MPP2: variants seen among roughly 807,000 people sequenced by gnomAD.
MPP2 encodes MAGUK p55 subfamily member 2.
Under a neutral mutation model 58.5 loss-of-function variants are expected in MPP2, and 42 were observed. The ratio of observed to expected loss-of-function variants is 0.72; its 90% confidence interval spans 0.56 to 0.93. The LOEUF is 0.93. Ranked by LOEUF, MPP2 falls within the 40% of genes least tolerant of loss-of-function variation. The pLI is 0.00. For synonymous variants in MPP2, 300 were observed against 307.8 expected, an observed-to-expected ratio of 0.97 and a Z score of 0.26; for missense variants, 632 against 760.4, an observed-to-expected ratio of 0.83 and a Z score of 1.99.
chr17:43,900,304 G>C (rs2048033343), intron 2 of MPP2, among the ~76,000 whole-genome samples: 1 of 152,152 alleles, frequency 6.6e-6, no homozygotes, highest in Admixed American at 6.5e-5. Context: ...GTTATCTAGG[G>C]GAGGACTGAG....
intron 1 of MPP2, chr17:43,906,259 G>C (rs231478): frequency 0.31 from 141,879 of 457,490 alleles, 23,629 homozygotes; most frequent in East Asian, 0.65. Context: ...TCGGTTCCCA[G>C]AGCATCGGCT....
chr17:43,902,806 T>C (rs888231658), intron 2 of MPP2, among the ~76,000 whole-genome samples: 1 of 152,110 alleles, frequency 6.6e-6, no homozygotes, highest in Non-Finnish European at 1.5e-5. Flanking sequence ...AGCAGAACCA[T>C]AGCAGTTCCC....
chr17:43,899,241 C>A (rs1265575857), intron 2 of MPP2, among the ~76,000 whole-genome samples: 1 of 113,264 alleles, frequency 8.8e-6, no homozygotes, highest in Non-Finnish European at 1.9e-5. Flanking sequence ...AGCAAGACTC[C>A]GTCTCAAAAA....
At chr17:43,907,898 GC>G (rs2048355849), upstream of MPP2, 1 of 985,304 alleles carries the variant, frequency 1.0e-6, no homozygotes, top group Non-Finnish European at 1.2e-6. Context: ...TTCCAGGCGT[GC>G]CTCACTTTTC....
intron 3 of MPP2, among the ~76,000 whole-genome samples, chr17:43,886,231 A>G (rs113403115): frequency 0.042 from 6,380 of 152,246 alleles, 176 homozygotes; most frequent in Non-Finnish European, 0.063. Flanking sequence ...TTATTTAAAA[A>G]TATGTCATAG....
chr17:43,900,533 C>T, intron 2 of MPP2: 6 of 1,547,230 alleles, frequency 3.9e-6, no homozygotes, highest in Non-Finnish European at 5.2e-6. Flanking sequence ...GGAGACCCCG[C>T]TGCCTGGGCT....
Position 43,881,124 on chromosome 17 carries a change from C to T in MPP2, c.954G>A (p.Lys318=). 1 of 1,613,998 alleles carries T rather than the reference C, an allele frequency of 6.2e-7. No homozygotes were observed. The highest frequency in any genetic ancestry group is 8.5e-7 in the Non-Finnish European group (1 of 1,179,974). The change falls in exon 9 of 13, where the codon AAG becomes AAA. Residue 318 remains lysine (K), a synonymous_variant. Coordinates refer to ENST00000269095, the MANE Select transcript of MPP2 (RefSeq NM_005374.5). ...TLCGSLSGKK[K]KRMMYLTTKN... ...TGGTGGTCAAATACATCATTCGCTT[C>T]TTTTTCTTTCCTGAAAGGCTGCCGC... is the stretch of plus-strand genomic sequence containing the variant.
At chr17:43,908,859 G>A (rs2048374849), upstream of MPP2, among the ~76,000 whole-genome samples, 2 of 152,198 alleles carry the variant, frequency 1.3e-5, no homozygotes, top group East Asian at 3.8e-4. Flanking sequence ...TTTGGATATA[G>A]GAAAAAGCCA....
chr17:43,887,905 G>C (rs1389564688), intron 3 of MPP2, among the ~76,000 whole-genome samples: 2 of 152,072 alleles, frequency 1.3e-5, no homozygotes, highest in African/African-American at 4.8e-5. Flanking sequence ...AACACTTGCA[G>C]ATACAATCTA....
chr17:43,891,387 G>A (rs1279852530), intron 3 of MPP2, among the ~76,000 whole-genome samples: 4 of 151,450 alleles, frequency 2.6e-5, no homozygotes, highest in African/African-American at 7.3e-5. Flanking sequence ...GGGGATGGTG[G>A]GCCTGTAATC....
rs770256368 is a variant in MPP2 at position 43,879,924 on chromosome 17, C to T, written c.1211G>A (p.Arg404His). The change falls in exon 11 of 13, where the codon CGT becomes CAT. Residue 404 changes from arginine (R) to histidine (H), a missense_variant. By Grantham distance (29) the Arg-to-His change is conservative (BLOSUM62 0). Coordinates refer to ENST00000269095, the MANE Select transcript of MPP2 (RefSeq NM_005374.5). This position sits in a 1 kb window ranked among gnomAD's most constrained non-coding sequence, Gnocchi z 4.1. ...ACGGACGTCAGCCTCCATCTCCCCA[C>T]GGGACACAAAGCTGTAACCCTGACC... The part of the protein sequence containing the change: ...REGQGYSFVS[R>H]GEMEADVRAG... The T allele has an allele frequency of 8.1e-6, 13 of 1,613,986 alleles. No homozygotes were observed. Among genetic ancestry groups the T allele is most frequent in the South Asian group, 3.3e-5 (3 of 91,078 alleles).
chr17:43,879,673 A>T lies in MPP2; in HGVS notation c.1353+109T>A. 7.7e-7 allele frequency: 1 copy of T among 1,294,328 alleles called. No homozygotes were observed. The allele number at this position is 1,294,328 out of a possible 1,614,324, so 80.2% of individuals were successfully genotyped here. On this transcript the variant is annotated intron_variant, in intron 11 of 12. Coordinates refer to ENST00000269095, the MANE Select transcript of MPP2 (RefSeq NM_005374.5). The surrounding 1 kb of genome is among the most constrained non-coding windows in gnomAD (Gnocchi z 4.1). ...GGTTTCTAGCAGTAGTTGAGGGCAA[A>T]GGGGGTACATGGGCGTGTTCAGGTG...
rs2047040078 is a variant in MPP2, at chr17:43,880,061, C to T, written c.1151-77G>A. ...CCTCAGACACATATATGCACCCCTA[C>T]CCAGGCCCCCGTTTCCCAGCCTTGG... On this transcript the variant is annotated intron_variant, in intron 10 of 12. Coordinates refer to ENST00000269095, the MANE Select transcript of MPP2 (RefSeq NM_005374.5). The surrounding 1 kb of genome is among the most constrained non-coding windows in gnomAD (Gnocchi z 5.2). The T allele has an allele frequency of 7.1e-7, 1 of 1,406,494 alleles. No homozygotes were observed. The highest frequency in any genetic ancestry group is 9.9e-7 in the Non-Finnish European group (1 of 1,010,238). 87.1% of individuals were successfully genotyped at this position (1,406,494 alleles called of 1,614,324 possible).
At chr17:43,881,619 G>T in intron 6 of MPP2, 30 bp from the exon 7 acceptor site, 1 of 1,608,084 alleles carries the variant, frequency 6.2e-7, no homozygotes. Context: ...AAGGGTCGGG[G>T]GAAGGGTCAG....
intron 3 of MPP2, among the ~76,000 whole-genome samples, chr17:43,893,833 G>A (rs1424069237): frequency 1.3e-5 from 2 of 152,174 alleles, no homozygotes; most frequent in African/African-American, 4.8e-5. Context: ...GGGGACTGCT[G>A]TATCAGAACA....
chr17:43,879,716 T>C lies in MPP2; in HGVS notation c.1353+66A>G, dbSNP rs1357789050. 3.8e-6 allele frequency: 6 copies of C among 1,562,108 alleles called. No individual in the cohort carries two copies. Among genetic ancestry groups the C allele is most frequent in the Non-Finnish European group, 5.2e-6 (6 of 1,142,914 alleles). On this transcript the variant is annotated intron_variant, in intron 11 of 12. Transcript: ENST00000269095. The surrounding 1 kb of genome is among the most constrained non-coding windows in gnomAD (Gnocchi z 4.1). ...TTCAGGTGACAGGTGTCTGGAACTA[T>C]ATGGGGGAGCAATGAGGCAGCAGAG...
intron 3 of MPP2, chr17:43,884,218 C>A: frequency 1.5e-6 from 1 of 664,630 alleles, no homozygotes; most frequent in South Asian, 1.7e-5. Flanking sequence ...TTCAAATGTT[C>A]ACTCTTGTCC....
intron 2 of MPP2, among the ~76,000 whole-genome samples, chr17:43,899,241 C>T (rs1265575857): frequency 2.6e-5 from 3 of 113,372 alleles, no homozygotes; most frequent in African/African-American, 6.0e-5. Context: ...AGCAAGACTC[C>T]GTCTCAAAAA....
intron 2 of MPP2, among the ~76,000 whole-genome samples, 183 bp from the exon 3 acceptor site, chr17:43,898,563 C>T (rs2047952490): frequency 6.6e-6 from 1 of 151,578 alleles, no homozygotes. Context: ...GACAGGGATC[C>T]TGGAGGAAGG....
Sources: allele counts gnomAD v4.1 joint callset (sites outside exome capture counted in the v4.1 genomes callset), GRCh38; gene constraint gnomAD v4.1.1; non-coding constraint Gnocchi (gnomAD v3.1); transcripts MANE v1.5; gene names NCBI Gene and HGNC (gene_info 2026-07-23, HGNC 2026-07-21).